CHL1: variants seen among roughly 807,000 people sequenced by gnomAD.
The protein encoded by CHL1 is cell adhesion molecule L1 like.
A neutral mutation model predicts 141.9 loss-of-function variants in CHL1; 96 were observed. That is an observed-to-expected ratio of 0.68 (90% CI 0.57 to 0.80). CHL1 has a LOEUF of 0.80. CHL1 is among the 30% of genes least tolerant of loss of function. CHL1 has a pLI of 0.00. For synonymous variants in CHL1, 613 were observed against 502.2 expected, an observed-to-expected ratio of 1.22 and a Z score of -2.95; for missense variants, 1,820 against 1,457.2, an observed-to-expected ratio of 1.25 and a Z score of -4.05.
intron 5 of CHL1, among the ~76,000 whole-genome samples, chr3:337,302 T>C (rs568958065): frequency 1.1e-4 from 17 of 150,636 alleles, no homozygotes; most frequent in Non-Finnish European, 7.4e-5. Context: ...GCCATTCTCC[T>C]GCCTCAGCCT....
At chr3:286,809 T>A (rs758804001) in intron 2 of CHL1, among the ~76,000 whole-genome samples, 1 of 152,148 alleles carries the variant, frequency 6.6e-6, no homozygotes, top group African/African-American at 2.4e-5. Context: ...CTTTCCCTTT[T>A]TAGACCATAT....
intron 2 of CHL1, among the ~76,000 whole-genome samples, chr3:275,409 T>G (rs1057272826): frequency 6.6e-6 from 1 of 152,238 alleles, no homozygotes; most frequent in African/African-American, 2.4e-5. Context: ...TGGGTTCTTT[T>G]AAACTTCATA....
chr3:259,246 T>A (rs560285839), intron 2 of CHL1, among the ~76,000 whole-genome samples: 38 of 152,144 alleles, frequency 2.5e-4, no homozygotes, highest in African/African-American at 9.2e-4. Context: ...AATAAAAGTA[T>A]GTGTATCTGT....
chr3:264,407 T>C (rs1168462278), intron 2 of CHL1, among the ~76,000 whole-genome samples: 1 of 152,024 alleles, frequency 6.6e-6, no homozygotes, highest in Non-Finnish European at 1.5e-5. Flanking sequence ...TATAACAGAA[T>C]GGTAGAATTA....
At chr3:331,718 T>C (rs1701453992) in intron 5 of CHL1, among the ~76,000 whole-genome samples, 1 of 152,202 alleles carries the variant, frequency 6.6e-6, no homozygotes, top group Non-Finnish European at 1.5e-5. Context: ...AAAAATGGTA[T>C]GTATTCATAA....
intron 9 of CHL1, among the ~76,000 whole-genome samples, chr3:348,962 G>A (rs891283597): frequency 6.6e-6 from 1 of 152,212 alleles, no homozygotes; most frequent in Non-Finnish European, 1.5e-5. Context: ...CAGGGAATAG[G>A]GCTGTTATCA....
chr3:356,181 T>C (rs910738621), intron 11 of CHL1, among the ~76,000 whole-genome samples: 1 of 152,212 alleles, frequency 6.6e-6, no homozygotes, highest in Non-Finnish European at 1.5e-5. Flanking sequence ...AAAATAATAA[T>C]GAGGTTTTGG....
intron 1 of CHL1, among the ~76,000 whole-genome samples, chr3:242,396 A>T (rs188670945): frequency 7.1e-6 from 1 of 141,656 alleles, no homozygotes; most frequent in African/African-American, 2.6e-5. Flanking sequence ...GGAGATCGAG[A>T]CCATCCTGGC....
At chr3:228,677 C>G (rs961019326) in intron 1 of CHL1, among the ~76,000 whole-genome samples, 1 of 152,076 alleles carries the variant, frequency 6.6e-6, no homozygotes, top group African/African-American at 2.4e-5. Flanking sequence ...CTCATTAACC[C>G]CTGTGAGAGG....
At chr3:260,519 G>GT (rs1390006159) in intron 2 of CHL1, among the ~76,000 whole-genome samples, 5 of 152,244 alleles carry the variant, frequency 3.3e-5, no homozygotes, top group African/African-American at 1.2e-4. Flanking sequence ...TGATGTCATG[G>GT]TTGAGGATTC....
chr3:206,043 C>T (rs977485187), intron 1 of CHL1, among the ~76,000 whole-genome samples: 1 of 152,218 alleles, frequency 6.6e-6, no homozygotes, highest in Non-Finnish European at 1.5e-5. Context: ...AACACTCTTT[C>T]CTGTTGTCCA....
chr3:246,164 A>T (rs146020496), intron 2 of CHL1, among the ~76,000 whole-genome samples: 82 of 152,252 alleles, frequency 5.4e-4, no homozygotes, highest in African/African-American at 1.7e-3. Flanking sequence ...CTTCTGAGAT[A>T]GTAATGAACA....
chr3:202,385 C>G (rs1458743521), intron 1 of CHL1, among the ~76,000 whole-genome samples: 1 of 152,162 alleles, frequency 6.6e-6, no homozygotes, highest in Non-Finnish European at 1.5e-5. Context: ...AAATGGCAAA[C>G]TGTTGATTCC....
intron 1 of CHL1, among the ~76,000 whole-genome samples, chr3:219,753 T>G (rs1345935353): frequency 1.3e-5 from 2 of 152,132 alleles, no homozygotes; most frequent in Non-Finnish European, 2.9e-5. Context: ...GGAACTAGGC[T>G]TAATGAAATA....
chr3:389,147 G>C, intron 19 of CHL1, 105 bp from the exon 20 acceptor site: 1 of 888,494 alleles, frequency 1.1e-6, no homozygotes, highest in South Asian at 1.7e-5. Context: ...CTCAACAAAT[G>C]ACCATTTCAT....
At chr3:220,230 T>A (rs1047623792) in intron 1 of CHL1, among the ~76,000 whole-genome samples, 2 of 152,208 alleles carry the variant, frequency 1.3e-5, no homozygotes, top group African/African-American at 2.4e-5. Flanking sequence ...TCTACCTTTG[T>A]CAATATTCAT....
At chr3:312,451 T>C (rs1575036105) in intron 2 of CHL1, among the ~76,000 whole-genome samples, 2 of 152,250 alleles carry the variant, frequency 1.3e-5, no homozygotes, top group East Asian at 1.9e-4. Flanking sequence ...CACTTGTAAA[T>C]TGATTTATGG....
intron 2 of CHL1, among the ~76,000 whole-genome samples, chr3:314,422 A>T (rs550251307): frequency 6.5e-4 from 92 of 141,432 alleles, no homozygotes; most frequent in Non-Finnish European, 2.3e-4. Context: ...TATCTCTTCT[A>T]CCTAAATTAG....
At chr3:321,064 A>G (rs1398915320) in intron 3 of CHL1, among the ~76,000 whole-genome samples, 2 of 152,108 alleles carry the variant, frequency 1.3e-5, no homozygotes, top group Non-Finnish European at 2.9e-5. Flanking sequence ...GCTCAGACAG[A>G]CTGAATGTCA....
Sources: gnomAD v4.1 joint callset for allele counts (sites outside exome capture counted in the v4.1 genomes callset) on GRCh38, gnomAD v4.1.1 for gene constraint, MANE v1.5 for transcripts, NCBI Gene and HGNC (gene_info 2026-07-23, HGNC 2026-07-21) for gene names.